Variants in GRID2 observed in about 807,000 individuals in gnomAD.
The protein encoded by GRID2 is glutamate receptor ionotropic, delta-2.
In GRID2, 33 loss-of-function variants were observed where a neutral mutation model predicts 114.8. That is an observed-to-expected ratio of 0.29 (90% CI 0.22 to 0.38). The LOEUF (loss-of-function observed/expected upper bound fraction) is 0.38, where lower values mean the gene tolerates loss of function less well. Ranked by LOEUF, GRID2 falls within the 10% of genes least tolerant of loss-of-function variation. The probability of loss-of-function intolerance (pLI) is 1.00; values close to 1 mark genes in which losing one functional copy is unlikely to be tolerated. For missense variants in GRID2, 1,184 were observed against 1,257.7 expected (o/e 0.94, Z 0.89); for synonymous variants, 505 against 449.9 (o/e 1.12, Z -1.55).
At chr4:93,062,709 TTAGA>T (rs1407338980) in intron 2 of GRID2, among the ~76,000 whole-genome samples, 2 of 152,006 alleles carry the variant, frequency 1.3e-5, no homozygotes, top group South Asian at 2.1e-4. Flanking sequence ...AAATAAACCT[TTAGA>T]TAGTTTTAAA....
Position 92,590,250 on chromosome 4 carries a change from G to A in GRID2, c.208G>A (p.Val70Ile). 6.2e-7 allele frequency: 1 copy of A among 1,613,548 alleles called. No homozygotes were observed. Among genetic ancestry groups the A allele is most frequent in the Non-Finnish European group, 8.5e-7 (1 of 1,179,626 alleles). Residue 70 changes from valine to isoleucine, a missense_variant, in exon 2 of 16, where the codon GTT becomes ATT. By Grantham distance (29) the Val-to-Ile change is conservative (BLOSUM62 3). Around this residue, in one of 3 missense-constraint regions of GRID2, gnomAD observed 455 missense variants for 429.5 expected, o/e 1.06. Coordinates refer to ENST00000282020, the MANE Select transcript of GRID2 (RefSeq NM_001510.4). ...TEKITFSVTF[V>I]DGNNPFQAVQ... ...GAAAATCACATTTTCAGTGACGTTT[G>A]TTGATGGCAACAACCCTTTCCAAGC...
intron 8 of GRID2, among the ~76,000 whole-genome samples, chr4:93,248,574 G>GAT (rs1161950397): frequency 6.6e-6 from 1 of 152,224 alleles, no homozygotes; most frequent in East Asian, 1.9e-4. Flanking sequence ...CTGAGAGAAA[G>GAT]ATATATATAT....
At chr4:93,356,333 G>GTT (rs1761335702) in intron 8 of GRID2, among the ~76,000 whole-genome samples, 1 of 151,840 alleles carries the variant, frequency 6.6e-6, no homozygotes, top group Non-Finnish European at 1.5e-5. Context: ...TTCATTTTAG[G>GTT]ATAAGCAATT....
chr4:92,708,108 A>G (rs376198424), intron 2 of GRID2, among the ~76,000 whole-genome samples: 137 of 152,322 alleles, frequency 9.0e-4, no homozygotes, highest in African/African-American at 3.1e-3. Flanking sequence ...AAAGGTGCCC[A>G]TGAAAATGTA....
At chr4:93,482,636 G>A (rs1725989422) in intron 11 of GRID2, among the ~76,000 whole-genome samples, 1 of 151,880 alleles carries the variant, frequency 6.6e-6, no homozygotes, top group Admixed American at 6.6e-5. Context: ...AACCACCATA[G>A]CACATGTATA....
intron 2 of GRID2, among the ~76,000 whole-genome samples, chr4:93,002,201 CT>C (rs934459388): frequency 5.3e-5 from 8 of 151,468 alleles, no homozygotes; most frequent in South Asian, 4.2e-4. Context: ...TAATTTTATC[CT>C]TTTTTTCTGC....
chr4:92,443,786 C>A (rs13148487), intron 1 of GRID2, among the ~76,000 whole-genome samples: 1 of 152,158 alleles, frequency 6.6e-6, no homozygotes, highest in South Asian at 2.1e-4. Flanking sequence ...CCAAGGCAGG[C>A]GTCCCTGCGT....
chr4:92,887,192 G>A (rs1290342178), intron 2 of GRID2, among the ~76,000 whole-genome samples: 2 of 152,142 alleles, frequency 1.3e-5, no homozygotes, highest in East Asian at 3.9e-4. Flanking sequence ...CCTGAGAGAT[G>A]GTAAAGAGAG....
At chr4:92,601,894 AT>A (rs1336914851) in intron 2 of GRID2, among the ~76,000 whole-genome samples, 1 of 152,162 alleles carries the variant, frequency 6.6e-6, no homozygotes, top group African/African-American at 2.4e-5. Flanking sequence ...CTCTATGCAA[AT>A]AAACTAGAAA....
At chr4:93,148,843 T>G (rs188425112) in intron 4 of GRID2, among the ~76,000 whole-genome samples, 2 of 152,314 alleles carry the variant, frequency 1.3e-5, no homozygotes, top group Admixed American at 1.3e-4. Context: ...AAATATTTCA[T>G]GACTAAAGCA....
intron 10 of GRID2, among the ~76,000 whole-genome samples, chr4:93,433,505 G>T (rs972187697): frequency 1.3e-5 from 2 of 152,028 alleles, no homozygotes; most frequent in Non-Finnish European, 2.9e-5. Flanking sequence ...AAATTCCATG[G>T]CCCCTAATAA....
At chr4:93,003,645 G>A (rs181307554) in intron 2 of GRID2, among the ~76,000 whole-genome samples, 6 of 151,884 alleles carry the variant, frequency 4.0e-5, no homozygotes, top group Non-Finnish European at 7.4e-5. Context: ...TGTTAATAGC[G>A]GTGCTGGTGT....
chr4:92,786,854 G>A (rs994634973), intron 2 of GRID2, among the ~76,000 whole-genome samples: 7 of 151,766 alleles, frequency 4.6e-5, no homozygotes, highest in African/African-American at 1.7e-4. Flanking sequence ...AAATTTAACC[G>A]AAAGCTCAAT....
At chr4:93,575,553 G>A (rs1736345730) in intron 13 of GRID2, among the ~76,000 whole-genome samples, 1 of 152,058 alleles carries the variant, frequency 6.6e-6, no homozygotes, top group African/African-American at 2.4e-5. Flanking sequence ...TGACCTCTTT[G>A]AGCCTCAGTT....
intron 4 of GRID2, among the ~76,000 whole-genome samples, chr4:93,193,978 C>G (rs1673465385): frequency 6.6e-6 from 1 of 152,118 alleles, no homozygotes; most frequent in South Asian, 2.1e-4. Flanking sequence ...GACTAAAGGG[C>G]AGAAATACAT....
intron 4 of GRID2, among the ~76,000 whole-genome samples, chr4:93,124,196 G>T (rs1190578518): frequency 2.0e-5 from 3 of 151,964 alleles, no homozygotes; most frequent in African/African-American, 7.3e-5. Flanking sequence ...ACCAGTCATG[G>T]AAGGCAAGGA....
chr4:93,210,269 A>G (rs1029228586), intron 5 of GRID2, among the ~76,000 whole-genome samples: 1 of 152,098 alleles, frequency 6.6e-6, no homozygotes, highest in Non-Finnish European at 1.5e-5. Context: ...TATATGGTAT[A>G]ATAAAATGGT....
chr4:92,603,310 A>G (rs1396267486), intron 2 of GRID2, among the ~76,000 whole-genome samples: 1 of 152,280 alleles, frequency 6.6e-6, no homozygotes, highest in African/African-American at 2.4e-5. Flanking sequence ...ACTACAGGCT[A>G]CAGTAACCAA....
At chr4:93,088,988 G>C (rs1730557673) in intron 3 of GRID2, among the ~76,000 whole-genome samples, 4 of 152,060 alleles carry the variant, frequency 2.6e-5, no homozygotes, top group Admixed American at 1.3e-4. Flanking sequence ...TCCAGCCTCT[G>C]TTCTAAGTGT....
Sources: gnomAD v4.1 joint callset for allele counts (sites outside exome capture counted in the v4.1 genomes callset) on GRCh38, gnomAD v4.1.1 for gene constraint, gnomAD v4.1.1 regional missense constraint, MANE v1.5 for transcripts, NCBI Gene and HGNC (gene_info 2026-07-23, HGNC 2026-07-21) for gene names.